SCFD2: variants seen among roughly 807,000 people sequenced by gnomAD.
SCFD2 encodes sec1 family domain-containing protein 2.
In SCFD2, 54 loss-of-function variants were observed where a neutral mutation model predicts 58.9. The observed-to-expected ratio is 0.92, with a 90% confidence interval of 0.74 to 1.15. The LOEUF (loss-of-function observed/expected upper bound fraction) is 1.15, where lower values mean the gene tolerates loss of function less well. SCFD2 is among the 50% of genes most tolerant of loss of function. SCFD2 has a pLI of 0.00. For missense variants in SCFD2, 805 were observed against 836.6 expected (o/e 0.96, Z 0.47); for synonymous variants, 321 against 335.9 (o/e 0.96, Z 0.49).
intron 4 of SCFD2, among the ~76,000 whole-genome samples, chr4:53,265,744 T>TTTTA (rs570447452): frequency 2.8e-4 from 43 of 152,050 alleles, no homozygotes; most frequent in East Asian, 1.5e-3. Context: ...TTCTTTTGCC[T>TTTTA]TTTATTTATT....
At chr4:53,095,255 G>A (rs1724586308) in intron 5 of SCFD2, among the ~76,000 whole-genome samples, 1 of 152,078 alleles carries the variant, frequency 6.6e-6, no homozygotes, top group South Asian at 2.1e-4. Flanking sequence ...GTGAACTTAT[G>A]TTCTTCCCTT....
chr4:53,037,033 A>G (rs541073357), intron 5 of SCFD2, among the ~76,000 whole-genome samples: 2 of 152,162 alleles, frequency 1.3e-5, no homozygotes, highest in Admixed American at 6.6e-5. Flanking sequence ...TGGCGGTTAC[A>G]TGACTGCATT....
At chr4:53,027,537 T>G (rs1722507492) in intron 5 of SCFD2, among the ~76,000 whole-genome samples, 1 of 152,190 alleles carries the variant, frequency 6.6e-6, no homozygotes, top group Admixed American at 6.5e-5. Context: ...ATATATTTAA[T>G]AAAAAGTAGG....
intron 2 of SCFD2, among the ~76,000 whole-genome samples, chr4:53,314,023 T>C (rs998554646): frequency 2.4e-4 from 37 of 152,150 alleles, no homozygotes; most frequent in African/African-American, 7.5e-4. Context: ...GTGGGAAAAC[T>C]ATGTGATAAA....
chr4:52,946,743 A>G (rs1208723074), intron 5 of SCFD2, among the ~76,000 whole-genome samples: 1 of 152,184 alleles, frequency 6.6e-6, no homozygotes, highest in African/African-American at 2.4e-5. Flanking sequence ...ATTTACCAGG[A>G]TTGGAACCTC....
chr4:53,212,367 T>A (rs1728640994), intron 4 of SCFD2, among the ~76,000 whole-genome samples: 2 of 151,826 alleles, frequency 1.3e-5, no homozygotes, highest in African/African-American at 2.4e-5. Context: ...ATAACCACAA[T>A]GAAATCAATT....
At chr4:53,234,832 G>A (rs1310172663) in intron 4 of SCFD2, among the ~76,000 whole-genome samples, 5 of 152,188 alleles carry the variant, frequency 3.3e-5, no homozygotes, top group African/African-American at 9.7e-5. Flanking sequence ...ATATTAATTG[G>A]AATGTAGTTC....
intron 2 of SCFD2, among the ~76,000 whole-genome samples, chr4:53,341,623 T>C (rs538216062): frequency 2.1e-3 from 323 of 152,002 alleles, no homozygotes; most frequent in African/African-American, 7.3e-3. Flanking sequence ...AAAGACACTC[T>C]TCGAGAAGAG....
chr4:52,955,425 T>A (rs1410219232), intron 5 of SCFD2, among the ~76,000 whole-genome samples: 1 of 152,238 alleles, frequency 6.6e-6, no homozygotes, highest in African/African-American at 2.4e-5. Flanking sequence ...AAATGAGTAC[T>A]AATGTGGTAG....
At chr4:53,360,188 G>T (rs568921311) in intron 1 of SCFD2, among the ~76,000 whole-genome samples, 29 of 152,338 alleles carry the variant, frequency 1.9e-4, no homozygotes, top group Admixed American at 1.7e-3. Context: ...ACTAATATGG[G>T]ATGTAACACT....
intron 5 of SCFD2, among the ~76,000 whole-genome samples, chr4:53,034,335 G>A (rs1722701427): frequency 6.6e-6 from 1 of 152,030 alleles, no homozygotes; most frequent in Non-Finnish European, 1.5e-5. Flanking sequence ...AAAATACTAA[G>A]AGCTATTTAT....
chr4:53,275,624 A>G (rs1577922496), intron 3 of SCFD2, among the ~76,000 whole-genome samples: 2 of 152,230 alleles, frequency 1.3e-5, no homozygotes, highest in South Asian at 4.1e-4. Flanking sequence ...AAAATACAGA[A>G]CATTCCCATC....
In SCFD2 at chr4:53,313,623, G is replaced by C; in HGVS notation, c.1135+13C>G. The C allele has an allele frequency of 6.2e-7, 1 of 1,613,762 alleles. No homozygotes were observed. The highest frequency in any genetic ancestry group is 8.5e-7 in the Non-Finnish European group (1 of 1,179,776). ...TTCCTCAGAGGCTGCCTGTGTCCTA[G>C]GTTTAGGCTTACCCATACTCATCTT... On this transcript the variant is annotated intron_variant, in intron 3 of 8. Transcript: ENST00000401642.
At chr4:52,928,953 G>A (rs1186003991) in intron 5 of SCFD2, among the ~76,000 whole-genome samples, 1 of 152,162 alleles carries the variant, frequency 6.6e-6, no homozygotes, top group Non-Finnish European at 1.5e-5. Flanking sequence ...TTGAGCGGCT[G>A]ATAAACTGTT....
intron 2 of SCFD2, among the ~76,000 whole-genome samples, chr4:53,325,362 T>C (rs899839662): frequency 3.3e-5 from 5 of 151,522 alleles, no homozygotes; most frequent in African/African-American, 1.2e-4. Context: ...AAAACATAAA[T>C]GATTAACAAA....
chr4:52,922,145 G>C (rs1318872297), intron 5 of SCFD2, among the ~76,000 whole-genome samples: 1 of 152,276 alleles, frequency 6.6e-6, no homozygotes, highest in South Asian at 2.1e-4. Flanking sequence ...CAAGATAGTA[G>C]TGATTTGAAG....
intron 3 of SCFD2, among the ~76,000 whole-genome samples, chr4:53,287,124 T>C (rs1731693074): frequency 6.6e-6 from 1 of 151,788 alleles, no homozygotes; most frequent in Non-Finnish European, 1.5e-5. Context: ...TACTAGGGAG[T>C]GCCTCACACT....
chr4:53,152,606 TC>T (rs1726544081), intron 4 of SCFD2, among the ~76,000 whole-genome samples: 1 of 152,136 alleles, frequency 6.6e-6, no homozygotes, highest in Non-Finnish European at 1.5e-5. Context: ...ATCCATGGCC[TC>T]CTCAAATCTC....
intron 5 of SCFD2, among the ~76,000 whole-genome samples, chr4:53,111,237 G>T (rs985969807): frequency 1.3e-5 from 2 of 151,982 alleles, no homozygotes; most frequent in African/African-American, 4.8e-5. Context: ...CATAAGGTAG[G>T]TGATGGGTTG....
Sources: allele counts gnomAD v4.1 joint callset (sites outside exome capture counted in the v4.1 genomes callset), GRCh38; gene constraint gnomAD v4.1.1; transcripts MANE v1.5; gene names NCBI Gene and HGNC (gene_info 2026-07-23, HGNC 2026-07-21).